Variants in CFAP418 observed in about 807,000 individuals in gnomAD.
The protein encoded by CFAP418 is cilia and flagella associated protein 418.
Under a neutral mutation model 24.7 loss-of-function variants are expected in CFAP418, and 27 were observed. The observed-to-expected ratio is 1.09, with a 90% CI of 0.81 to 1.51. The LOEUF is 1.51. CFAP418 is among the 40% of genes most tolerant of loss of function. The probability of loss-of-function intolerance (pLI) is 0.00; values close to 1 mark genes in which losing one functional copy is unlikely to be tolerated. For missense variants in CFAP418, 257 were observed against 255.2 expected, an observed-to-expected ratio of 1.01 and a Z score of -0.05; for synonymous variants, 74 against 87.3, an observed-to-expected ratio of 0.85 and a Z score of 0.85.
intron 1 of CFAP418, among the ~76,000 whole-genome samples, chr8:95,267,061 G>A (rs1811998181): frequency 6.6e-6 from 1 of 152,192 alleles, no homozygotes; most frequent in Admixed American, 6.5e-5. Flanking sequence ...CACTGTTGTG[G>A]GATAGGGATG....
intron 4 of CFAP418, among the ~76,000 whole-genome samples, chr8:95,257,622 T>C (rs1198361462): frequency 1.3e-5 from 2 of 152,212 alleles, no homozygotes; most frequent in Non-Finnish European, 2.9e-5. Flanking sequence ...CGGAGCTAAA[T>C]AATTCCTATT....
chr8:95,258,909 G>A (rs907987846), intron 4 of CFAP418, among the ~76,000 whole-genome samples: 2 of 152,176 alleles, frequency 1.3e-5, no homozygotes, highest in Non-Finnish European at 2.9e-5. Flanking sequence ...TAGCCTAGGT[G>A]TGGAGTAGGC....
rs1250706850 is a variant in CFAP418 at position 95,245,243 on chromosome 8, CTG to C, written c.*2372_*2373del. 1 of 152,034 alleles carries C rather than the reference CTG, an allele frequency of 6.6e-6. No individual in the cohort carries two copies. The allele number at this position is 152,034 out of a possible 1,614,324, so 9.4% of individuals were successfully genotyped here. On this transcript the variant is annotated 3_prime_UTR_variant, in exon 6 of 6. Coordinates refer to ENST00000286688, the MANE Select transcript of CFAP418 (RefSeq NM_177965.4). Reference sequence around the variant, plus strand: ...TTACAACAGTTAATAATTTATCTGACTGTATATAAACATAATATTCTTTCTAC... The same window carrying C: ...TTACAACAGTTAATAATTTATCTGACTATATAAACATAATATTCTTTCTAC...
At position 95,269,080 on chromosome 8, in the gene CFAP418, G is replaced by A. The variant is rs1812098463; in HGVS notation, c.110C>T (p.Thr37Ile). 1 of 1,614,186 alleles carries A rather than the reference G, an allele frequency of 6.2e-7. No individual in the cohort carries two copies. Among genetic ancestry groups the A allele is most frequent in the Non-Finnish European group, 8.5e-7 (1 of 1,180,014 alleles). The change falls in exon 1 of 6, where the codon ACC becomes ATC. Residue 37 changes from threonine (T) to isoleucine (I), a missense_variant. Physicochemically the swap from Thr to Ile is moderately conservative, Grantham distance 89. Transcript: ENST00000286688. ...GGCTTGGTTCCGGTCGCTACTGTGG[G>A]TGCCGCCGCCGCAGCCTTTGGGCTG... ...VEQPKGCGGG[T>I]HSSDRNQAKA...
chr8:95,257,195 G>A (rs1174048690), intron 4 of CFAP418, among the ~76,000 whole-genome samples: 2 of 152,178 alleles, frequency 1.3e-5, no homozygotes, highest in African/African-American at 2.4e-5. Context: ...TGAAAATGAC[G>A]GAGACAAGTC....
chr8:95,268,762 G>A, intron 1 of CFAP418: 1 of 203,396 alleles, frequency 4.9e-6, no homozygotes, highest in South Asian at 1.9e-4. Context: ...GGGCGGGGCG[G>A]GGCGGGGCGG....
At chr8:95,265,140 C>A (rs1811956279) in intron 1 of CFAP418, among the ~76,000 whole-genome samples, 1 of 151,962 alleles carries the variant, frequency 6.6e-6, no homozygotes, top group Non-Finnish European at 1.5e-5. Flanking sequence ...TATGTGGGGG[C>A]AGGAGACTGT....
chr8:95,269,179 TC>T lies in CFAP418; in HGVS notation c.10del (p.Asp4ThrfsTer19). 1 of 1,614,116 alleles carries T rather than the reference TC, an allele frequency of 6.2e-7. No homozygotes were observed. Among genetic ancestry groups the T allele is most frequent in the Non-Finnish European group, 8.5e-7 (1 of 1,179,972 alleles). ...GACTTCATCCAAGAGCTCGTCCAGG[TC>T]CTCCGCCATCTTGAATCGCCTGGCC... MAE[D>X]LDELLDEVES... On this transcript the variant is annotated frameshift_variant, in exon 1 of 6. Coordinates refer to ENST00000286688, the MANE Select transcript of CFAP418 (RefSeq NM_177965.4). LOFTEE classifies it high-confidence loss of function.
At chr8:95,265,244 A>G (rs952900571) in intron 1 of CFAP418, among the ~76,000 whole-genome samples, 2 of 152,204 alleles carry the variant, frequency 1.3e-5, no homozygotes, top group Non-Finnish European at 2.9e-5. Flanking sequence ...AAATGTCTCC[A>G]GACATTGCCA....
intron 4 of CFAP418, among the ~76,000 whole-genome samples, chr8:95,258,177 T>C (rs1006639542): frequency 2.6e-5 from 4 of 152,086 alleles, no homozygotes; most frequent in Non-Finnish European, 4.4e-5. Flanking sequence ...GGTCAGGAGA[T>C]GGAGACCATC....
rs962283858 is a variant in CFAP418, at chr8:95,259,822, A to G, written c.374+18T>C. ...AAAAAACCTAGTAAGAAAGTATAAT[A>G]CATTTCTGACAACCTACCTCCATGA... On this transcript the variant is annotated intron_variant, in intron 4 of 5. Transcript: ENST00000286688. 4 of 1,586,686 alleles carry G rather than the reference A, an allele frequency of 2.5e-6. No homozygotes were observed. The highest frequency in any genetic ancestry group is 3.5e-5 in the Admixed American group (2 of 56,598).
intron 4 of CFAP418, among the ~76,000 whole-genome samples, chr8:95,259,037 TACAACA>T (rs1283794250): frequency 6.6e-6 from 1 of 152,236 alleles, no homozygotes. Flanking sequence ...CACTTGACTA[TACAACA>T]GTTAGCCCTC....
chr8:95,254,256 A>C (rs578019342), intron 4 of CFAP418, among the ~76,000 whole-genome samples: 26 of 152,298 alleles, frequency 1.7e-4, no homozygotes, highest in African/African-American at 5.8e-4. Context: ...GCTTCCTACT[A>C]CTATTCTCTC....
At chr8:95,264,244 A>C (rs572439177) in intron 1 of CFAP418, among the ~76,000 whole-genome samples, 51 of 152,260 alleles carry the variant, frequency 3.3e-4, no homozygotes, top group South Asian at 2.1e-3. Context: ...CCTCCACCCC[A>C]AAAAAAGGTG....
chr8:95,258,242 C>T (rs538680044), intron 4 of CFAP418, among the ~76,000 whole-genome samples: 2 of 151,602 alleles, frequency 1.3e-5, no homozygotes, highest in Admixed American at 1.3e-4. Flanking sequence ...ATTAGCCGGG[C>T]GTGGTGGCGG....
At chr8:95,260,660 A>C (rs1327958541) in intron 2 of CFAP418, 128 bp from the exon 3 acceptor site, 3 of 551,038 alleles carry the variant, frequency 5.4e-6, no homozygotes, top group Non-Finnish European at 9.1e-6. Context: ...CATCATTTTT[A>C]AGTTTCTGAA....
At chr8:95,265,087 T>C (rs573141325) in intron 1 of CFAP418, among the ~76,000 whole-genome samples, 3 of 152,170 alleles carry the variant, frequency 2.0e-5, no homozygotes, top group Non-Finnish European at 4.4e-5. Flanking sequence ...TTCTCAGCCT[T>C]GGAATTATGG....
rs754956516 is a variant in CFAP418 at position 95,263,756 on chromosome 8, T to C, written c.174A>G (p.Lys58=). 1.2e-5 allele frequency: 20 copies of C among 1,605,742 alleles called. No homozygotes were observed. The South Asian group carries it at 2.0e-4, about 16-fold the overall frequency. ...KETLRSTETF[K]KEDDLDSLIN... is the part of the protein sequence containing the mutation. Reference sequence around the variant, plus strand: ...TAAGACTGTCAAGATCATCTTCTTTTTTAAATGTTTCTGTTGATCTGAAAA... The same window carrying C: ...TAAGACTGTCAAGATCATCTTCTTTCTTAAATGTTTCTGTTGATCTGAAAA... The change falls in exon 2 of 6, where the codon AAA becomes AAG. Residue 58 remains lysine, a synonymous_variant. Coordinates refer to ENST00000286688, the MANE Select transcript of CFAP418 (RefSeq NM_177965.4).
At position 95,269,080 on chromosome 8, in the gene CFAP418, G is replaced by T; in HGVS notation, c.110C>A (p.Thr37Asn). 6.2e-7 allele frequency: 1 copy of T among 1,614,186 alleles called. No individual in the cohort carries two copies. The highest frequency in any genetic ancestry group is 8.5e-7 in the Non-Finnish European group (1 of 1,180,014). ...VEQPKGCGGG[T>N]HSSDRNQAKA... Reference sequence around the variant, plus strand: ...GGCTTGGTTCCGGTCGCTACTGTGGGTGCCGCCGCCGCAGCCTTTGGGCTG... The same window carrying T: ...GGCTTGGTTCCGGTCGCTACTGTGGTTGCCGCCGCCGCAGCCTTTGGGCTG... Residue 37 changes from threonine (T) to asparagine (N), a missense_variant, in exon 1 of 6, where the codon ACC becomes AAC. Coordinates refer to ENST00000286688, the MANE Select transcript of CFAP418 (RefSeq NM_177965.4).
Sources: gnomAD v4.1 joint callset for allele counts (sites outside exome capture counted in the v4.1 genomes callset) on GRCh38, gnomAD v4.1.1 for gene constraint, MANE v1.5 for transcripts, NCBI Gene and HGNC (gene_info 2026-07-23, HGNC 2026-07-21) for gene names.